The following NPEPPS variants were observed in gnomAD, a reference collection of about 807,000 sequenced individuals.
The protein encoded by NPEPPS is puromycin-sensitive aminopeptidase.
Under a neutral mutation model 115.5 loss-of-function variants are expected in NPEPPS, and 14 were observed. The ratio of observed to expected loss-of-function variants is 0.12; its 90% CI spans 0.08 to 0.19. The LOEUF (loss-of-function observed/expected upper bound fraction) is 0.19, where lower values mean the gene tolerates loss of function less well. Among genes scored for constraint, NPEPPS ranks in the 10% least tolerant of loss-of-function variants. The pLI, the probability that NPEPPS is intolerant of heterozygous loss-of-function variation, is 1.00. For synonymous variants in NPEPPS, 285 were observed against 390.6 expected, an observed-to-expected ratio of 0.73 and a Z score of 3.19; for missense variants, 523 against 1,110.8, an observed-to-expected ratio of 0.47 and a Z score of 7.52.
chr17:47,590,950 A>G (rs1393593260), intron 10 of NPEPPS, 69 bp downstream of exon 10: 2 of 1,485,838 alleles, frequency 1.3e-6, no homozygotes, highest in African/African-American at 1.4e-5. Flanking sequence ...AATTTGTTAC[A>G]TAGATACTTT....
chr17:47,533,319 C>A (rs1427300847), intron 1 of NPEPPS, among the ~76,000 whole-genome samples: 1 of 151,536 alleles, frequency 6.6e-6, no homozygotes, highest in African/African-American at 2.4e-5. Flanking sequence ...CATCTTGGGT[C>A]TAAATTAGAA....
chr17:47,523,641 T>A (rs1287452155), intron 1 of NPEPPS, among the ~76,000 whole-genome samples: 6 of 152,174 alleles, frequency 3.9e-5, no homozygotes, highest in African/African-American at 1.4e-4. Context: ...CAGGCTAGTC[T>A]TGAACTCCTG....
At chr17:47,591,203 C>T (rs1175418831) in intron 10 of NPEPPS, among the ~76,000 whole-genome samples, 1 of 151,946 alleles carries the variant, frequency 6.6e-6, no homozygotes, top group Non-Finnish European at 1.5e-5. Flanking sequence ...GAAACCCCGT[C>T]TTTACTAAAA....
intron 3 of NPEPPS, among the ~76,000 whole-genome samples, chr17:47,570,837 C>A (rs1183894656): frequency 1.3e-5 from 2 of 152,156 alleles, no homozygotes; most frequent in African/African-American, 4.8e-5. Flanking sequence ...GCCTTGATAT[C>A]GCTGGGGGAA....
In NPEPPS at chr17:47,524,464, C is replaced by T. The variant is rs1257229620; in HGVS notation, c.77+1401C>T. Among the ~76,000 whole-genome samples, 12 of 151,978 alleles carry T rather than the reference C, an allele frequency of 7.9e-5. No homozygotes were observed. In the East Asian group the frequency reaches 2.1e-3, roughly 27 times the overall value. Reference sequence around the variant, plus strand: ...TTAGCCTCCCAAGTAGCTAGGACTACAGGCATAGGCCACCACACCCAGCTA... The same window carrying T: ...TTAGCCTCCCAAGTAGCTAGGACTATAGGCATAGGCCACCACACCCAGCTA... On this transcript the variant is annotated intron_variant, in intron 1 of 5. Coordinates refer to the NPEPPS transcript ENST00000525007.
At chr17:47,540,437 A>G (rs1371251337) in intron 1 of NPEPPS, among the ~76,000 whole-genome samples, 1 of 152,218 alleles carries the variant, frequency 6.6e-6, no homozygotes, top group Non-Finnish European at 1.5e-5. Context: ...ACTAACATGA[A>G]GGTGTCAAAG....
chr17:47,583,836 C>T (rs1912028194), intron 5 of NPEPPS, among the ~76,000 whole-genome samples: 2 of 151,796 alleles, frequency 1.3e-5, no homozygotes, highest in Non-Finnish European at 2.9e-5. Context: ...GTGGGAGGAT[C>T]TCTCGAACTT....
chr17:47,549,750 C>T (rs1380351516), intron 2 of NPEPPS, among the ~76,000 whole-genome samples: 19 of 132,598 alleles, frequency 1.4e-4, no homozygotes, highest in Non-Finnish European at 1.2e-4. Context: ...CACTGCACTC[C>T]AGCCTGGGCG....
intron 15 of NPEPPS, 87 bp from the exon 16 acceptor site, chr17:47,603,827 TA>T: frequency 7.7e-7 from 1 of 1,295,312 alleles, no homozygotes; most frequent in Non-Finnish European, 1.1e-6. Flanking sequence ...CAGATATATC[TA>T]AAACCAGAAC....
intron 19 of NPEPPS, among the ~76,000 whole-genome samples, chr17:47,616,562 T>C (rs1284162069): frequency 6.6e-6 from 1 of 151,708 alleles, no homozygotes; most frequent in Non-Finnish European, 1.5e-5. Context: ...CGGGCGCCTG[T>C]AGTCCCAGCT....
intron 9 of NPEPPS, among the ~76,000 whole-genome samples, chr17:47,590,257 C>G (rs1052976012): frequency 3.9e-5 from 6 of 152,050 alleles, no homozygotes; most frequent in African/African-American, 1.4e-4. Context: ...GGCATGGTGG[C>G]TCACACCTGT....
Position 47,531,185 on chromosome 17 carries a change from C to T in NPEPPS, c.-116C>T. 7.2e-7 allele frequency: 1 copy of T among 1,384,846 alleles called. No homozygotes were observed. The highest frequency in any genetic ancestry group is 9.3e-7 in the Non-Finnish European group (1 of 1,072,960). The allele number at this position is 1,384,846 out of a possible 1,614,324, so 85.8% of individuals were successfully genotyped here. On this transcript the variant is annotated 5_prime_UTR_variant, in exon 1 of 23. Transcript: ENST00000322157. ...CGCCCCCTTCCCCGTAGGCAGCCCG[C>T]CCGCCAGTCCGCCCGCACCGCCTCC...
In NPEPPS at chr17:47,549,995, C is replaced by T. The variant is rs564885642; in HGVS notation, c.340+4002C>T. Among the ~76,000 whole-genome samples, 13 of 149,296 alleles carry T rather than the reference C, an allele frequency of 8.7e-5. No individual in the cohort carries two copies. The South Asian group carries it at 2.1e-3, about 24-fold the overall frequency. Reference sequence around the variant, plus strand: ...TGTCACCCAGGCTGGAGTGCAGTGGCGCAGTCTCGGCTCACTGCAAGCTCT... The same window carrying T: ...TGTCACCCAGGCTGGAGTGCAGTGGTGCAGTCTCGGCTCACTGCAAGCTCT... On this transcript the variant is annotated intron_variant, in intron 2 of 22. Transcript: ENST00000322157.
intron 22 of NPEPPS, among the ~76,000 whole-genome samples, chr17:47,621,044 G>C (rs1459148101): frequency 6.6e-6 from 1 of 152,020 alleles, no homozygotes; most frequent in East Asian, 1.9e-4. Context: ...AATTTGGCCT[G>C]GGAGTGCACG....
rs1911962751 is a variant in NPEPPS, at chr17:47,582,722, T to G, written c.541-20T>G. The G allele has an allele frequency of 2.7e-6, 2 of 742,226 alleles. 1 individual carries two copies. Among genetic ancestry groups the G allele is most frequent in the South Asian group, 2.9e-5 (2 of 68,456 alleles). 46.0% of individuals were successfully genotyped at this position (742,226 alleles called of 1,614,324 possible). On this transcript the variant is annotated intron_variant, in intron 4 of 22. Transcript: ENST00000322157. ...TTAGGTTAATTCTAAGGTATTTATA[T>G]TTCATATTCTTTTCTTAAGGCTACT... is the stretch of plus-strand genomic sequence containing the variant.
Position 47,599,624 on chromosome 17 carries a change from C to G in NPEPPS, c.1537-52C>G. The G allele has an allele frequency of 4.0e-6, 6 of 1,487,236 alleles. No individual in the cohort carries two copies. In the South Asian group the frequency reaches 7.4e-5, roughly 18 times the overall value. 92.1% of individuals were successfully genotyped at this position (1,487,236 alleles called of 1,614,324 possible). On this transcript the variant is annotated intron_variant, in intron 13 of 22. Transcript: ENST00000322157. ...CTCCCTCCTCTTCAAAAACAAAAAC[C>G]AAAACCCCAGATGGTGTCAGTACTA...
rs752531101 is a variant in NPEPPS at position 47,610,667 on chromosome 17, C to G, written c.2096-1793C>G. ...AAAGTGCTGGGATTACAGGCGTGAA[C>G]CACCACACCCAGACCCCCGGCTCTC... On this transcript the variant is annotated intron_variant, in intron 17 of 22. Transcript: ENST00000322157. Among the ~76,000 whole-genome samples the G allele has an allele frequency of 6.6e-5, 10 of 151,744 alleles. No individual in the cohort carries two copies. In the South Asian group the frequency reaches 1.0e-3, roughly 16 times the overall value.
At chr17:47,602,045 C>T (rs1913231623) in intron 15 of NPEPPS, 1 of 285,184 alleles carries the variant, frequency 3.5e-6, no homozygotes, top group Non-Finnish European at 6.6e-6. Flanking sequence ...CTTCAAACTC[C>T]CCTGTCATTG....
chr17:47,541,668 C>G lies in NPEPPS; in HGVS notation c.256-4241C>G, dbSNP rs141819921. Among the ~76,000 whole-genome samples the G allele has an allele frequency of 2.5e-3, 380 of 152,314 alleles. 3 individuals carry two copies. The highest frequency in any genetic ancestry group is 8.8e-3 in the African/African-American group (366 of 41,568). On this transcript the variant is annotated intron_variant, in intron 1 of 22. Coordinates refer to ENST00000322157, the MANE Select transcript of NPEPPS (RefSeq NM_006310.4). ...GGGATTACAGGCATGAGCCGTCGTG[C>G]CCAGCCATGTTTCTGAATTTTTAAG...
Sources: allele counts gnomAD v4.1 joint callset (sites outside exome capture counted in the v4.1 genomes callset), GRCh38; gene constraint gnomAD v4.1.1; transcripts MANE v1.5; gene names NCBI Gene and HGNC (gene_info 2026-07-23, HGNC 2026-07-21).